The following RAB3C variants were observed in gnomAD, a reference collection of about 807,000 sequenced individuals.
The protein encoded by RAB3C is RAB3C, member RAS oncogene family.
A neutral mutation model predicts 26.4 loss-of-function variants in RAB3C; 17 were observed. That is an observed-to-expected ratio of 0.64 (90% CI 0.44 to 0.97). The LOEUF (loss-of-function observed/expected upper bound fraction) is 0.97. Among genes scored for constraint, RAB3C ranks in the 50% least tolerant of loss-of-function variants. RAB3C has a pLI of 0.00. For missense variants in RAB3C, 242 were observed against 281.9 expected (o/e 0.86, Z 1.01); for synonymous variants, 91 against 95.9 (o/e 0.95, Z 0.30).
At chr5:58,751,345 G>A (rs560488267) in intron 3 of RAB3C, among the ~76,000 whole-genome samples, 1 of 152,340 alleles carries the variant, frequency 6.6e-6, no homozygotes, top group South Asian at 2.1e-4. Context: ...ATGACACATA[G>A]TAGGCACTTA....
chr5:58,727,773 A>G (rs1001649244), intron 3 of RAB3C, among the ~76,000 whole-genome samples: 1 of 152,104 alleles, frequency 6.6e-6, no homozygotes, highest in Middle Eastern at 3.4e-3. Flanking sequence ...CAGAAGTGCT[A>G]TTATAAGTTT....
intron 2 of RAB3C, among the ~76,000 whole-genome samples, chr5:58,681,936 G>T (rs1172852057): frequency 6.6e-6 from 1 of 152,230 alleles, no homozygotes; most frequent in Non-Finnish European, 1.5e-5. Flanking sequence ...ATTTGAGGCT[G>T]TGCAAAGGAA....
intron 3 of RAB3C, among the ~76,000 whole-genome samples, chr5:58,782,761 G>A (rs190456809): frequency 2.2e-4 from 33 of 152,206 alleles, no homozygotes; most frequent in Admixed American, 2.0e-3. Context: ...CAGCACTTCA[G>A]TAGGAATATT....
intron 2 of RAB3C, among the ~76,000 whole-genome samples, chr5:58,634,882 G>A (rs540037849): frequency 1.3e-3 from 196 of 152,238 alleles, no homozygotes; most frequent in African/African-American, 4.3e-3. Context: ...GATCCTCTTC[G>A]CAGAAGAAGA....
intron 2 of RAB3C, among the ~76,000 whole-genome samples, chr5:58,646,892 ATAGTTT>A (rs143699371): frequency 0.019 from 2,920 of 152,294 alleles, 103 homozygotes; most frequent in East Asian, 0.14. Context: ...CTTCTGCTGT[ATAGTTT>A]TAAAGTGTAC....
At chr5:58,685,292 C>A (rs1347662720) in intron 2 of RAB3C, among the ~76,000 whole-genome samples, 1 of 152,100 alleles carries the variant, frequency 6.6e-6, no homozygotes, top group African/African-American at 2.4e-5. Flanking sequence ...TATTAGGCTG[C>A]ATTCGTTCTG....
rs16888391 is a variant in RAB3C at position 58,671,815 on chromosome 5, G to C, written c.252+53945G>C. On this transcript the variant is annotated intron_variant, in intron 2 of 4. Coordinates refer to ENST00000282878, the MANE Select transcript of RAB3C (RefSeq NM_138453.4). ...GCAAGTTCATTTTTTATAAGAAATA[G>C]GCTACTAGCAAAATACAAGTTTATT... is the stretch of plus-strand genomic sequence containing the variant. 5.9e-3 allele frequency among the ~76,000 whole-genome samples: 903 copies of C among 152,116 alleles called. 16 individuals carry two copies. The highest frequency in any genetic ancestry group is 0.02 in the African/African-American group (839 of 41,486).
chr5:58,760,907 G>A (rs915726604), intron 3 of RAB3C, among the ~76,000 whole-genome samples: 1 of 152,120 alleles, frequency 6.6e-6, no homozygotes, highest in Admixed American at 6.6e-5. Flanking sequence ...ATTTGCTGAT[G>A]GCAAGACTTC....
chr5:58,703,409 C>A (rs186296117), intron 2 of RAB3C, among the ~76,000 whole-genome samples: 1 of 152,128 alleles, frequency 6.6e-6, no homozygotes, highest in East Asian at 1.9e-4. Flanking sequence ...CTTGAACTCC[C>A]GACCTCAGCT....
At chr5:58,744,677 T>C (rs1261928747) in intron 3 of RAB3C, among the ~76,000 whole-genome samples, 1 of 152,134 alleles carries the variant, frequency 6.6e-6, no homozygotes, top group African/African-American at 2.4e-5. Context: ...ATGTTTGTGG[T>C]TTTTCAAATA....
chr5:58,707,954 T>G (rs1278739946), intron 2 of RAB3C, among the ~76,000 whole-genome samples: 2 of 151,910 alleles, frequency 1.3e-5, no homozygotes, highest in Non-Finnish European at 2.9e-5. Flanking sequence ...GCAACCATCT[T>G]TGGGTACTAA....
chr5:58,765,622 A>G (rs1407737200), intron 3 of RAB3C, among the ~76,000 whole-genome samples: 1 of 152,220 alleles, frequency 6.6e-6, no homozygotes, highest in Non-Finnish European at 1.5e-5. Flanking sequence ...TTGTTATGAA[A>G]GTTATATCAT....
At chr5:58,726,808 G>T (rs954228665) in intron 3 of RAB3C, among the ~76,000 whole-genome samples, 5 of 152,004 alleles carry the variant, frequency 3.3e-5, no homozygotes, top group Admixed American at 6.6e-5. Flanking sequence ...TGTTTACGGT[G>T]GGGGGTTATT....
chr5:58,587,698 G>A (rs568648441), intron 1 of RAB3C, among the ~76,000 whole-genome samples: 65 of 152,230 alleles, frequency 4.3e-4, no homozygotes, highest in African/African-American at 1.5e-3. Flanking sequence ...TCATCCCTGA[G>A]TATTCCTTCA....
intron 3 of RAB3C, among the ~76,000 whole-genome samples, chr5:58,798,723 T>G (rs1742732630): frequency 6.6e-6 from 1 of 152,230 alleles, no homozygotes; most frequent in African/African-American, 2.4e-5. Context: ...TCATTATAGT[T>G]ATGCAAATAT....
chr5:58,764,820 G>C (rs1374220071), intron 3 of RAB3C, among the ~76,000 whole-genome samples: 1 of 152,124 alleles, frequency 6.6e-6, no homozygotes, highest in Non-Finnish European at 1.5e-5. Flanking sequence ...CTTTCACGAA[G>C]AACTGAACTA....
chr5:58,684,438 G>A (rs897159750), intron 2 of RAB3C, among the ~76,000 whole-genome samples: 2 of 152,192 alleles, frequency 1.3e-5, no homozygotes, highest in African/African-American at 2.4e-5. Context: ...ACAGGCCTCA[G>A]TTGGAATGCC....
At chr5:58,788,725 A>T (rs1289358604) in intron 3 of RAB3C, among the ~76,000 whole-genome samples, 1 of 152,222 alleles carries the variant, frequency 6.6e-6, no homozygotes, top group Non-Finnish European at 1.5e-5. Context: ...TTTCTAAGTA[A>T]ATACTGGTAA....
chr5:58,586,002 G>A (rs1746000662), intron 1 of RAB3C, among the ~76,000 whole-genome samples: 2 of 151,980 alleles, frequency 1.3e-5, no homozygotes, highest in Non-Finnish European at 2.9e-5. Context: ...CTCATGACTT[G>A]AGGACAAGAC....
Sources: allele counts gnomAD v4.1 joint callset (sites outside exome capture counted in the v4.1 genomes callset), GRCh38; gene constraint gnomAD v4.1.1; transcripts MANE v1.5; gene names NCBI Gene and HGNC (gene_info 2026-07-23, HGNC 2026-07-21).